The following MARCHF1 variants were observed in gnomAD, a reference collection of about 807,000 sequenced individuals.
MARCHF1 encodes the protein membrane associated ring-CH-type finger 1, also known as E3 ubiquitin-protein ligase MARCHF1.
A neutral mutation model predicts 54.2 loss-of-function variants in MARCHF1; 40 were observed. The ratio of observed to expected loss-of-function variants is 0.74; its 90% CI spans 0.57 to 0.96. MARCHF1 has a LOEUF of 0.96. Among genes scored for constraint, MARCHF1 ranks in the 40% least tolerant of loss-of-function variants. The pLI is 0.00. For missense variants in MARCHF1, 586 were observed against 656.5 expected (o/e 0.89, Z 1.17); for synonymous variants, 236 against 236.3 (o/e 1.00, Z 0.01).
intron 3 of MARCHF1, among the ~76,000 whole-genome samples, chr4:163,980,642 G>A (rs1425817944): frequency 1.3e-5 from 2 of 152,150 alleles, no homozygotes; most frequent in African/African-American, 4.8e-5. Flanking sequence ...AAAACTAACA[G>A]CCACAGATGA....
At chr4:164,355,254 G>GAA in intron 1 of MARCHF1, among the ~76,000 whole-genome samples, 1 of 65,496 alleles carries the variant, frequency 1.5e-5, no homozygotes, top group Non-Finnish European at 3.1e-5. Context: ...CACAGAATTG[G>GAA]AAAAAACTAC....
intron 1 of MARCHF1, among the ~76,000 whole-genome samples, chr4:164,127,241 T>C (rs1282928620): frequency 6.6e-6 from 1 of 152,214 alleles, no homozygotes; most frequent in Non-Finnish European, 1.5e-5. Context: ...TGAAGCTGCA[T>C]CTAAGCAAAG....
At chr4:164,164,494 C>A (rs1730321005) in intron 1 of MARCHF1, among the ~76,000 whole-genome samples, 1 of 151,784 alleles carries the variant, frequency 6.6e-6, no homozygotes, top group South Asian at 2.1e-4. Context: ...TCAGACCCAG[C>A]AAGTAAAAGA....
chr4:163,869,454 T>C (rs1340700070), intron 3 of MARCHF1, among the ~76,000 whole-genome samples: 2 of 152,104 alleles, frequency 1.3e-5, no homozygotes, highest in Admixed American at 1.3e-4. Context: ...AGTCCTGACC[T>C]GAGAGACTGC....
intron 1 of MARCHF1, among the ~76,000 whole-genome samples, chr4:164,225,449 G>T (rs893889420): frequency 1.3e-5 from 2 of 152,004 alleles, no homozygotes; most frequent in Admixed American, 1.3e-4. Flanking sequence ...GGGGGATGGG[G>T]TTGAGGGGAG....
At chr4:163,765,409 C>T (rs888054418) in intron 4 of MARCHF1, among the ~76,000 whole-genome samples, 20 of 152,078 alleles carry the variant, frequency 1.3e-4, no homozygotes, top group Non-Finnish European at 1.5e-5. Flanking sequence ...GATTCACATT[C>T]ATCTTACTGT....
chr4:163,762,810 T>G (rs1008774295), intron 4 of MARCHF1, among the ~76,000 whole-genome samples: 2 of 152,224 alleles, frequency 1.3e-5, no homozygotes, highest in African/African-American at 2.4e-5. Flanking sequence ...ATTATGAATA[T>G]GATAATAGGA....
At chr4:163,890,911 A>G (rs1287265307) in intron 3 of MARCHF1, among the ~76,000 whole-genome samples, 1 of 151,684 alleles carries the variant, frequency 6.6e-6, no homozygotes, top group East Asian at 1.9e-4. Flanking sequence ...TTTGTTTCCT[A>G]GTATAAAAAA....
intron 2 of MARCHF1, among the ~76,000 whole-genome samples, chr4:164,056,731 G>A (rs1425007971): frequency 6.6e-6 from 1 of 152,152 alleles, no homozygotes; most frequent in Non-Finnish European, 1.5e-5. Flanking sequence ...TTCAGGCATT[G>A]TCTGTGCCTG....
At chr4:164,272,269 G>C (rs930829626) in intron 1 of MARCHF1, among the ~76,000 whole-genome samples, 2 of 151,906 alleles carry the variant, frequency 1.3e-5, no homozygotes, top group African/African-American at 4.8e-5. Flanking sequence ...TTCATTGCTA[G>C]TATGTACTCA....
chr4:164,102,686 C>A (rs1218028414), intron 2 of MARCHF1, among the ~76,000 whole-genome samples: 1 of 151,774 alleles, frequency 6.6e-6, no homozygotes, highest in African/African-American at 2.4e-5. Flanking sequence ...ACCATCGAGA[C>A]TAGGAAGAAA....
intron 4 of MARCHF1, among the ~76,000 whole-genome samples, chr4:163,753,516 A>G (rs951402071): frequency 1.3e-4 from 20 of 152,104 alleles, no homozygotes; most frequent in African/African-American, 4.8e-4. Context: ...AGATATTGTC[A>G]TAAATAGCCT....
At chr4:164,069,233 C>T (rs1299703316) in intron 2 of MARCHF1, among the ~76,000 whole-genome samples, 1 of 152,190 alleles carries the variant, frequency 6.6e-6, no homozygotes, top group Non-Finnish European at 1.5e-5. Context: ...CCAATCAGCT[C>T]TCTGTAAAAC....
intron 1 of MARCHF1, among the ~76,000 whole-genome samples, chr4:164,354,245 C>T (rs1730444549): frequency 7.9e-6 from 1 of 126,854 alleles, no homozygotes; most frequent in Non-Finnish European, 1.7e-5. Context: ...GAGAGGGAAC[C>T]CTCCCTAACT....
intron 2 of MARCHF1, among the ~76,000 whole-genome samples, chr4:164,017,832 T>C (rs1406113929): frequency 1.7e-5 from 1 of 58,298 alleles, no homozygotes; most frequent in African/African-American, 5.2e-5. Context: ...AGAACCTAAA[T>C]TAGCAAAAAA....
At chr4:164,190,393 G>GA (rs1426564271) in intron 1 of MARCHF1, 31 of 487,172 alleles carry the variant, frequency 6.4e-5, no homozygotes, top group South Asian at 1.3e-4. Context: ...ACTTTCCTTA[G>GA]AAAAAAAATG....
At chr4:163,774,517 T>TG (rs3085795) in intron 4 of MARCHF1, among the ~76,000 whole-genome samples, 3 of 151,098 alleles carry the variant, frequency 2.0e-5, no homozygotes, top group Non-Finnish European at 4.4e-5. Flanking sequence ...TTTTTTTTTT[T>TG]GACAGAGTCT....
At chr4:163,847,490 C>T (rs1185760720) in intron 4 of MARCHF1, among the ~76,000 whole-genome samples, 2 of 150,124 alleles carry the variant, frequency 1.3e-5, no homozygotes. Context: ...CTCACCAATG[C>T]TCCCTTCTTA....
At chr4:164,290,758 A>G (rs1430002581) in intron 1 of MARCHF1, among the ~76,000 whole-genome samples, 3 of 151,962 alleles carry the variant, frequency 2.0e-5, no homozygotes, top group African/African-American at 7.2e-5. Flanking sequence ...AATGAAAGAT[A>G]AGAATTTATT....
Sources: gnomAD v4.1 joint callset for allele counts (sites outside exome capture counted in the v4.1 genomes callset) on GRCh38, gnomAD v4.1.1 for gene constraint, MANE v1.5 for transcripts, NCBI Gene and HGNC (gene_info 2026-07-23, HGNC 2026-07-21) for gene names.